The following GALNT15 variants were observed in gnomAD, a reference collection of about 807,000 sequenced individuals.
GALNT15 encodes polypeptide N-acetylgalactosaminyltransferase 15.
A neutral mutation model predicts 66.8 loss-of-function variants in GALNT15; 67 were observed. That is an observed-to-expected ratio of 1.00 (90% CI 0.82 to 1.23). GALNT15 has a LOEUF of 1.23. GALNT15 is among the 50% of genes most tolerant of loss of function. The pLI, the probability that GALNT15 is intolerant of heterozygous loss-of-function variation, is 0.00. For missense variants in GALNT15, 827 were observed against 804.3 expected, an observed-to-expected ratio of 1.03 and a Z score of -0.34; for synonymous variants, 313 against 311.5, an observed-to-expected ratio of 1.00 and a Z score of -0.05.
intron 1 of GALNT15, among the ~76,000 whole-genome samples, chr3:16,190,398 G>A (rs994914034): frequency 1.2e-4 from 19 of 152,174 alleles, no homozygotes; most frequent in African/African-American, 4.3e-4. Context: ...CAGCACTTTG[G>A]GAGGCCGAGA....
rs2064065396 is a variant in GALNT15, at chr3:16,229,859, T to C, written c.*2359T>C. 1 of 529,426 alleles carries C rather than the reference T, an allele frequency of 1.9e-6. No homozygotes were observed. The highest frequency in any genetic ancestry group is 2.1e-5 in the African/African-American group (1 of 48,324). The allele number at this position is 529,426 out of a possible 1,614,324, so 32.8% of individuals were successfully genotyped here. ...CTTCCTTAACCAGCTCCATGATTTA[T>C]TACTTTATTGCAGAAGTGGCTGTCA... is the stretch of plus-strand genomic sequence containing the variant. On this transcript the variant is annotated 3_prime_UTR_variant, in exon 10 of 10. Coordinates refer to ENST00000339732, the MANE Select transcript of GALNT15 (RefSeq NM_054110.5).
At chr3:16,199,660 T>TGCTCTTACCCAC (rs2063677919) in intron 2 of GALNT15, among the ~76,000 whole-genome samples, 1 of 97,442 alleles carries the variant, frequency 1.0e-5, no homozygotes, top group African/African-American at 3.8e-5. Flanking sequence ...AAATATGTGG[T>TGCTCTTACCCAC]TTCAGGTGAA....
chr3:16,186,922 T>C lies in GALNT15; in HGVS notation c.540-8838T>C. Among the ~76,000 whole-genome samples the C allele has an allele frequency of 6.6e-6, 1 of 152,106 alleles. No homozygotes were observed. Among genetic ancestry groups the C allele is most frequent in the Admixed American group, 6.6e-5 (1 of 15,264 alleles). ...CATGGAATTGTACACTTTATAAAGG[T>C]GGACATTATGGTATGTGAATTATAT... is the stretch of plus-strand genomic sequence containing the variant. On this transcript the variant is annotated intron_variant, in intron 1 of 9. Transcript: ENST00000339732. The surrounding 1 kb of genome is among the most constrained non-coding windows in gnomAD (Gnocchi z 5.1).
At chr3:16,179,174 A>C (rs561366385) in intron 1 of GALNT15, among the ~76,000 whole-genome samples, 1 of 152,258 alleles carries the variant, frequency 6.6e-6, no homozygotes, top group Non-Finnish European at 1.5e-5. Context: ...TTGAGCACTT[A>C]CTATGTGCTA....
chr3:16,223,214 G>C (rs2135228), intron 9 of GALNT15, among the ~76,000 whole-genome samples: 93,851 of 151,942 alleles, frequency 0.62, 29,847 homozygotes, highest in African/African-American at 0.77. Context: ...AATGCAAATT[G>C]CACTGTAAGT....
the GALNT15 span, among the ~76,000 whole-genome samples, chr3:16,245,772 G>A: frequency 1.3e-5 from 2 of 152,304 alleles, no homozygotes; most frequent in Admixed American, 6.5e-5. Flanking sequence ...GACTGTAGCC[G>A]CAAACAGCTC....
downstream of GALNT15, among the ~76,000 whole-genome samples, chr3:16,233,092 A>ATTTTTTTTTTTTTTTTTTTTTTTTT (rs771943641): frequency 2.1e-5 from 1 of 48,072 alleles, no homozygotes; most frequent in Non-Finnish European, 4.2e-5. Flanking sequence ...AGGATAATGC[A>ATTTTTTTTTTTTTTTTTTTTTTTTT]TCTTTTTTTT....
At chr3:16,240,985 C>T in the GALNT15 span, among the ~76,000 whole-genome samples, 16 of 152,282 alleles carry the variant, frequency 1.1e-4, no homozygotes, top group African/African-American at 3.9e-4. Flanking sequence ...GCTCTGTTCC[C>T]TCTGCACAGA....
chr3:16,180,802 G>C lies in GALNT15; in HGVS notation c.539+5112G>C, dbSNP rs960112803. On this transcript the variant is annotated intron_variant, in intron 1 of 9. Transcript: ENST00000339732. The surrounding 1 kb of genome is among the most constrained non-coding windows in gnomAD (Gnocchi z 5.0). ...AGCGGTAGCTGGCTGTGTGCTACCT[G>C]CTTTTAACTTGCCTTTATGGTTCAG... is the stretch of plus-strand genomic sequence containing the variant. Among the ~76,000 whole-genome samples, 16 of 152,180 alleles carry C rather than the reference G, an allele frequency of 1.1e-4. No homozygotes were observed. Among genetic ancestry groups the C allele is most frequent in the African/African-American group, 3.9e-4 (16 of 41,442 alleles).
At chr3:16,178,942 A>G (rs1202469660) in intron 1 of GALNT15, among the ~76,000 whole-genome samples, 2 of 152,092 alleles carry the variant, frequency 1.3e-5, no homozygotes, top group African/African-American at 4.8e-5. Context: ...CCCAGTTCCT[A>G]CACCCAAATG....
chr3:16,175,648 G>C lies in GALNT15; in HGVS notation c.497G>C (p.Arg166Pro). Residue 166 changes from arginine to proline, a missense_variant, in exon 1 of 10, where the codon CGC becomes CCC. Arg to Pro is a moderately radical substitution (Grantham distance 103). Transcript: ENST00000339732. The surrounding 1 kb of genome is among the most constrained non-coding windows in gnomAD (Gnocchi z 5.6). ...PRGLQEALSA[R>P]IPLQRALPEV... Reference sequence around the variant, plus strand: ...GGCCTCCAGGAGGCACTCAGTGCCCGCATCCCCCTCCAGAGGGCTCTGCCC... The same window carrying C: ...GGCCTCCAGGAGGCACTCAGTGCCCCCATCCCCCTCCAGAGGGCTCTGCCC... The C allele has an allele frequency of 1.2e-6, 2 of 1,610,622 alleles. No homozygotes were observed. Among genetic ancestry groups the C allele is most frequent in the South Asian group, 2.2e-5 (2 of 90,668 alleles).
chr3:16,187,462 G>C lies in GALNT15; in HGVS notation c.540-8298G>C, dbSNP rs1186734361. On this transcript the variant is annotated intron_variant, in intron 1 of 9. Coordinates refer to ENST00000339732, the MANE Select transcript of GALNT15 (RefSeq NM_054110.5). The surrounding 1 kb of genome is among the most constrained non-coding windows in gnomAD (Gnocchi z 5.1). ...GGCAGCTGATGCTGGTCCTCAGCTGGGGCACTTTAGTTTTTCTTCAAGCAG... is the reference window on the plus strand; with the variant it reads ...GGCAGCTGATGCTGGTCCTCAGCTGCGGCACTTTAGTTTTTCTTCAAGCAG... 6.6e-6 allele frequency among the ~76,000 whole-genome samples: 1 copy of C among 152,114 alleles called. No individual in the cohort carries two copies. The highest frequency in any genetic ancestry group is 1.5e-5 in the Non-Finnish European group (1 of 68,028).
intron 1 of GALNT15, among the ~76,000 whole-genome samples, chr3:16,178,560 TTG>T (rs2063436703): frequency 6.6e-6 from 1 of 152,156 alleles, no homozygotes; most frequent in Non-Finnish European, 1.5e-5. Flanking sequence ...AGCCCAGGCC[TTG>T]GCTGCAGACT....
At chr3:16,212,386 C>T (rs1363774823) in intron 5 of GALNT15, among the ~76,000 whole-genome samples, 183 bp from the exon 6 acceptor site, 4 of 152,172 alleles carry the variant, frequency 2.6e-5, no homozygotes, top group Admixed American at 1.3e-4. Flanking sequence ...CACCCTGTCA[C>T]TCCCCTGCCC....
chr3:16,213,110 G>A (rs1470879247), intron 6 of GALNT15, among the ~76,000 whole-genome samples: 1 of 152,036 alleles, frequency 6.6e-6, no homozygotes, highest in African/African-American at 2.4e-5. Context: ...CTGAGCAAAG[G>A]GCTCAGGGCT....
At chr3:16,201,656 C>T (rs1011972658) in intron 3 of GALNT15, among the ~76,000 whole-genome samples, 3 of 152,158 alleles carry the variant, frequency 2.0e-5, no homozygotes, top group Admixed American at 2.0e-4. Context: ...TACCTAAGGC[C>T]AGTCCTTGGA....
chr3:16,237,875 C>T, the GALNT15 span, among the ~76,000 whole-genome samples: 5 of 151,908 alleles, frequency 3.3e-5, no homozygotes, highest in African/African-American at 7.3e-5. This position sits in a 1 kb window ranked among gnomAD's most constrained non-coding sequence, Gnocchi z 4.2. Flanking sequence ...GACTGGTTTA[C>T]GCAATGGCCT....
At position 16,183,158 on chromosome 3, in the gene GALNT15, TGA is replaced by T. The variant is rs1456584131; in HGVS notation, c.539+7472_539+7473del. 2 of 152,284 alleles carry T rather than the reference TGA, an allele frequency of 1.3e-5. No homozygotes were observed. The highest frequency in any genetic ancestry group is 3.9e-4 in the East Asian group (2 of 5,194). The allele number at this position is 152,284 out of a possible 1,614,324, so 9.4% of individuals were successfully genotyped here. Reference sequence around the variant, plus strand: ...CCTGAACCCCTCCAGAAGTGAGCTGTGAGAGTTTGGAGAACCTGCACAAAGAG... The same window carrying T: ...CCTGAACCCCTCCAGAAGTGAGCTGTGAGTTTGGAGAACCTGCACAAAGAG... On this transcript the variant is annotated intron_variant, in intron 1 of 9. Transcript: ENST00000339732. This position sits in a 1 kb window ranked among gnomAD's most constrained non-coding sequence, Gnocchi z 5.2.
rs1559688867 is a variant in GALNT15, at chr3:16,212,702, G to A, written c.1331G>A (p.Trp444Ter). The A allele has an allele frequency of 6.2e-7, 1 of 1,614,032 alleles. No homozygotes were observed. Among genetic ancestry groups the A allele is most frequent in the African/African-American group, 1.3e-5 (1 of 75,046 alleles). ...AACAGGGTTCGCATTGCTGAGACCT[G>A]GCTGGGGTCATTCAAAGAAACCTTC... is the stretch of plus-strand genomic sequence containing the variant. ...LRNRVRIAET[W>*]LGSFKETFYK... The change falls in exon 6 of 10, where the codon TGG (tryptophan) becomes TAG (stop). Residue 444 changes from tryptophan to a stop codon, truncating the protein, a stop_gained. Transcript: ENST00000339732. LOFTEE classifies it high-confidence loss of function.
Sources: gnomAD v4.1 joint callset for allele counts (sites outside exome capture counted in the v4.1 genomes callset) on GRCh38, gnomAD v4.1.1 for gene constraint, Gnocchi (gnomAD v3.1) non-coding constraint, MANE v1.5 for transcripts, NCBI Gene and HGNC (gene_info 2026-07-23, HGNC 2026-07-21) for gene names.